Variants in ARK2N observed in about 807,000 individuals in gnomAD.
ARK2N encodes the protein arkadia (RNF111) N-terminal like PKA signaling regulator 2N.
chr18:46,238,223 G>T, the ARK2N span, among the ~76,000 whole-genome samples: 1 of 152,078 alleles, frequency 6.6e-6, no homozygotes, highest in Admixed American at 6.6e-5. Flanking sequence ...GGCTCTGAAT[G>T]GTATTAGTCA....
the ARK2N span, among the ~76,000 whole-genome samples, chr18:46,254,835 TC>T: frequency 6.6e-6 from 1 of 152,208 alleles, no homozygotes; most frequent in South Asian, 2.1e-4. Context: ...TCCAACCCTT[TC>T]AGCGATATTC....
At chr18:46,236,705 G>A in the ARK2N span, among the ~76,000 whole-genome samples, 1 of 152,176 alleles carries the variant, frequency 6.6e-6, no homozygotes. Context: ...AGTCAAAACA[G>A]TCTCTTTGTA....
the ARK2N span, chr18:46,263,043 G>T: frequency 1.2e-6 from 2 of 1,614,192 alleles, no homozygotes; most frequent in Non-Finnish European, 1.7e-6. Flanking sequence ...TGACTCCCCA[G>T]CAGACTTGGG....
chr18:46,209,457 T>C, the ARK2N span, among the ~76,000 whole-genome samples: 1 of 152,314 alleles, frequency 6.6e-6, no homozygotes, highest in East Asian at 1.9e-4. Context: ...TGTCTCCTGT[T>C]TGAGCACTGT....
At chr18:46,244,115 G>A in the ARK2N span, among the ~76,000 whole-genome samples, 2 of 152,166 alleles carry the variant, frequency 1.3e-5, no homozygotes, top group Non-Finnish European at 1.5e-5. Flanking sequence ...TGGTTTCTGG[G>A]AATCTCTTTT....
chr18:46,261,637 C>G, the ARK2N span, among the ~76,000 whole-genome samples: 3 of 152,262 alleles, frequency 2.0e-5, no homozygotes, highest in East Asian at 3.9e-4. Flanking sequence ...ATTTATTTCT[C>G]TAGCTAATCT....
At chr18:46,216,263 C>G in the ARK2N span, 1 of 1,613,890 alleles carries the variant, frequency 6.2e-7, no homozygotes, top group Non-Finnish European at 8.5e-7. The surrounding 1 kb of genome is among the most constrained non-coding windows in gnomAD (Gnocchi z 4.3). Flanking sequence ...GAAGGAGACC[C>G]TTCAGGAGTG....
chr18:46,224,715 A>G, the ARK2N span, among the ~76,000 whole-genome samples: 1 of 152,230 alleles, frequency 6.6e-6, no homozygotes, highest in Non-Finnish European at 1.5e-5. Context: ...TGCTAGGTAG[A>G]TAAATTAAAG....
At chr18:46,205,354 T>TA in the ARK2N span, among the ~76,000 whole-genome samples, 1 of 152,242 alleles carries the variant, frequency 6.6e-6, no homozygotes, top group Admixed American at 6.5e-5. Flanking sequence ...TTGCTATGTC[T>TA]AAATCTTCAG....
the ARK2N span, among the ~76,000 whole-genome samples, chr18:46,210,869 C>A: frequency 1.3e-5 from 2 of 151,608 alleles, no homozygotes; most frequent in Admixed American, 6.6e-5. Context: ...CAGGATGGCG[C>A]CCCTGCATTC....
the ARK2N span, among the ~76,000 whole-genome samples, chr18:46,250,684 G>A: frequency 4.6e-5 from 7 of 151,976 alleles, no homozygotes; most frequent in African/African-American, 7.2e-5. Flanking sequence ...ACCAGATGAC[G>A]TCACCCCTCT....
the ARK2N span, among the ~76,000 whole-genome samples, chr18:46,175,813 C>T: frequency 6.3e-4 from 95 of 151,906 alleles, no homozygotes; most frequent in African/African-American, 2.1e-3. Flanking sequence ...AATCAGATTT[C>T]TTAATGGGAA....
chr18:46,211,479 G>A, the ARK2N span, among the ~76,000 whole-genome samples: 1 of 152,146 alleles, frequency 6.6e-6, no homozygotes, highest in Non-Finnish European at 1.5e-5. Flanking sequence ...AGAAGGGAGT[G>A]TGAGAGTTAA....
the ARK2N span, among the ~76,000 whole-genome samples, chr18:46,197,218 T>TC: frequency 1.3e-5 from 2 of 152,078 alleles, no homozygotes; most frequent in Admixed American, 1.3e-4. Context: ...CAGATATACT[T>TC]AACTCCCAAG....
At chr18:46,195,322 G>A in the ARK2N span, among the ~76,000 whole-genome samples, 2 of 136,906 alleles carry the variant, frequency 1.5e-5, no homozygotes, top group African/African-American at 5.6e-5. Flanking sequence ...AGGCTGGAGT[G>A]CAGTGTTTCG....
chr18:46,190,172 G>C, the ARK2N span, among the ~76,000 whole-genome samples: 2 of 152,104 alleles, frequency 1.3e-5, no homozygotes, highest in Non-Finnish European at 2.9e-5. Context: ...GAATTTTTTA[G>C]AGATAGTTGT....
At chr18:46,216,667 A>C in the ARK2N span, 1 of 1,331,552 alleles carries the variant, frequency 7.5e-7, no homozygotes, top group East Asian at 2.5e-5. This position sits in a 1 kb window ranked among gnomAD's most constrained non-coding sequence, Gnocchi z 4.3. Flanking sequence ...CAGTTAGATG[A>C]GTGACACTTG....
chr18:46,248,573 T>TTTTG, the ARK2N span, among the ~76,000 whole-genome samples: 92 of 152,242 alleles, frequency 6.0e-4, 1 homozygote, highest in South Asian at 0.015. Context: ...TACTCTTTAT[T>TTTTG]TTTGTTTGTT....
At chr18:46,263,232 G>A in the ARK2N span, 2 of 1,114,732 alleles carry the variant, frequency 1.8e-6, no homozygotes, top group Non-Finnish European at 2.5e-6. Flanking sequence ...GGCATTTGTA[G>A]GATTCAAACT....
Sources: allele counts gnomAD v4.1 joint callset (sites outside exome capture counted in the v4.1 genomes callset), GRCh38; gene constraint gnomAD v4.1.1; non-coding constraint Gnocchi (gnomAD v3.1); transcripts MANE v1.5; gene names NCBI Gene and HGNC (gene_info 2026-07-23, HGNC 2026-07-21).